Variants in DLG2 observed in about 807,000 individuals in gnomAD.
The protein encoded by DLG2 is disks large homolog 2.
DLG2 carries 45 observed loss-of-function variants against 132.5 expected under a neutral mutation model. The observed-to-expected ratio is 0.34, with a 90% CI of 0.27 to 0.44. The LOEUF (loss-of-function observed/expected upper bound fraction) is 0.44, where lower values mean the gene tolerates loss of function less well. Among genes scored for constraint, DLG2 ranks in the 20% least tolerant of loss-of-function variants. DLG2 has a pLI of 1.00. For synonymous variants in DLG2, 424 were observed against 419.6 expected, an observed-to-expected ratio of 1.01 and a Z score of -0.13; for missense variants, 1,045 against 1,196.9, an observed-to-expected ratio of 0.87 and a Z score of 1.87.
At chr11:85,233,683 C>T (rs2075422378) in intron 4 of DLG2, among the ~76,000 whole-genome samples, 1 of 150,826 alleles carries the variant, frequency 6.6e-6, no homozygotes, top group South Asian at 2.1e-4. Context: ...CTCTATTCTA[C>T]TCTGGATCCT....
intron 4 of DLG2, among the ~76,000 whole-genome samples, chr11:85,260,048 C>A (rs2076863245): frequency 6.6e-6 from 1 of 152,106 alleles, no homozygotes; most frequent in Non-Finnish European, 1.5e-5. Context: ...GAGCAGAACA[C>A]AGAATAAAAA....
intron 6 of DLG2, among the ~76,000 whole-genome samples, chr11:84,790,666 A>G (rs1375413040): frequency 6.6e-6 from 1 of 152,176 alleles, no homozygotes; most frequent in East Asian, 1.9e-4. Flanking sequence ...TGCACAGATC[A>G]ATGTCCTGGA....
chr11:84,777,308 TATATATATATATATATAC>T (rs2070806729), intron 6 of DLG2, among the ~76,000 whole-genome samples: 1 of 135,216 alleles, frequency 7.4e-6, no homozygotes, highest in African/African-American at 2.7e-5. Context: ...TATATATATA[TATATATATATATATATAC>T]GTTTTCTTTA....
intron 24 of DLG2, among the ~76,000 whole-genome samples, chr11:83,471,151 C>G (rs769062775): frequency 6.6e-6 from 1 of 152,030 alleles, no homozygotes; most frequent in Non-Finnish European, 1.5e-5. Context: ...TTGTCTTCAC[C>G]CTCCCTAAAC....
At chr11:84,364,639 C>T (rs1484758555) in intron 7 of DLG2, among the ~76,000 whole-genome samples, 2 of 152,102 alleles carry the variant, frequency 1.3e-5, no homozygotes, top group African/African-American at 4.8e-5. Context: ...ATGATATTGG[C>T]TGTGGGTTTG....
At chr11:84,471,217 T>G (rs1455894823) in intron 7 of DLG2, among the ~76,000 whole-genome samples, 1 of 151,710 alleles carries the variant, frequency 6.6e-6, no homozygotes, top group Non-Finnish European at 1.5e-5. Flanking sequence ...CTGAGCACTT[T>G]CTGTGGTGTC....
At chr11:85,037,779 A>AG (rs1046803653) in intron 6 of DLG2, among the ~76,000 whole-genome samples, 1 of 152,168 alleles carries the variant, frequency 6.6e-6, no homozygotes, top group African/African-American at 2.4e-5. Context: ...ACCTAAATGT[A>AG]GGGGTGGGAA....
chr11:85,397,731 T>A (rs1011164306), intron 3 of DLG2, among the ~76,000 whole-genome samples: 1 of 152,154 alleles, frequency 6.6e-6, no homozygotes, highest in Non-Finnish European at 1.5e-5. Flanking sequence ...GGAGTTAACA[T>A]CTTAAATATA....
At chr11:83,711,916 C>A (rs927589434) in intron 18 of DLG2, among the ~76,000 whole-genome samples, 1 of 151,978 alleles carries the variant, frequency 6.6e-6, no homozygotes, top group Non-Finnish European at 1.5e-5. Context: ...TAGAGAAATG[C>A]AAATCAAAAC....
At chr11:84,334,281 A>G (rs2098474089) in intron 7 of DLG2, among the ~76,000 whole-genome samples, 2 of 152,190 alleles carry the variant, frequency 1.3e-5, no homozygotes, top group Non-Finnish European at 2.9e-5. Flanking sequence ...CTTTTTCCAG[A>G]AATACATCCC....
chr11:83,934,145 C>T (rs1188339135), intron 14 of DLG2, among the ~76,000 whole-genome samples: 1 of 152,182 alleles, frequency 6.6e-6, no homozygotes, highest in South Asian at 2.1e-4. Flanking sequence ...CTACCCATCT[C>T]CCACCCTGTT....
At chr11:85,014,216 A>C (rs1455896480) in intron 6 of DLG2, among the ~76,000 whole-genome samples, 2 of 152,198 alleles carry the variant, frequency 1.3e-5, no homozygotes, top group Non-Finnish European at 2.9e-5. Flanking sequence ...CTGAGCCTTA[A>C]TTTCTACTTG....
intron 3 of DLG2, among the ~76,000 whole-genome samples, chr11:85,366,355 G>T (rs527497854): frequency 1.3e-3 from 198 of 150,728 alleles, no homozygotes; most frequent in Non-Finnish European, 1.9e-3. Context: ...TTTCTTCTTT[G>T]CACAATATAT....
At chr11:85,154,135 G>GAA (rs34094958) in intron 5 of DLG2, among the ~76,000 whole-genome samples, 814 of 57,624 alleles carry the variant, frequency 0.014, 84 homozygotes, top group South Asian at 0.036. Context: ...TTCTTTTGGA[G>GAA]AAAAAAAAAA....
At chr11:85,458,788 T>A (rs1422420875) in intron 3 of DLG2, among the ~76,000 whole-genome samples, 2 of 152,250 alleles carry the variant, frequency 1.3e-5, no homozygotes, top group East Asian at 3.9e-4. Context: ...CTCCTCTTTA[T>A]TTCCTCATGA....
intron 3 of DLG2, among the ~76,000 whole-genome samples, chr11:85,461,001 TGAA>T (rs138107954): frequency 0.024 from 3,633 of 152,292 alleles, 139 homozygotes; most frequent in African/African-American, 0.082. Flanking sequence ...CATTAGAAAA[TGAA>T]GAGTAATTTC....
rs116234754 is a variant in DLG2, at chr11:84,409,515, C to A, written c.519+125055G>T. Among the ~76,000 whole-genome samples the A allele has an allele frequency of 5.0e-3, 766 of 152,302 alleles. 8 individuals carry two copies. The highest frequency in any genetic ancestry group is 0.017 in the African/African-American group (717 of 41,570). On this transcript the variant is annotated intron_variant, in intron 7 of 27. Coordinates refer to ENST00000376104, the MANE Select transcript of DLG2 (RefSeq NM_001142699.3). ...CCTTAAATACATACAACATGTTGCA[C>A]ACATTCAATACAATACTTTCTACAT... is the stretch of plus-strand genomic sequence containing the variant.
At chr11:84,118,544 T>C (rs2093749735) in intron 9 of DLG2, among the ~76,000 whole-genome samples, 1 of 152,226 alleles carries the variant, frequency 6.6e-6, no homozygotes, top group Non-Finnish European at 1.5e-5. Context: ...ATAAAACTTT[T>C]CAATTCTCAA....
At chr11:84,691,197 T>C (rs937820575) in intron 6 of DLG2, among the ~76,000 whole-genome samples, 32 of 152,008 alleles carry the variant, frequency 2.1e-4, no homozygotes, top group Admixed American at 2.6e-4. Flanking sequence ...ACTTCCATGC[T>C]TTTATAATAC....
Sources: gnomAD v4.1 joint callset for allele counts (sites outside exome capture counted in the v4.1 genomes callset) on GRCh38, gnomAD v4.1.1 for gene constraint, MANE v1.5 for transcripts, NCBI Gene and HGNC (gene_info 2026-07-23, HGNC 2026-07-21) for gene names.